Variants in UGGT2 observed in about 807,000 individuals in gnomAD.
UGGT2 encodes the protein UDP-glucose glycoprotein glucosyltransferase 2.
UGGT2 carries 180 observed loss-of-function variants against 192.1 expected under a neutral mutation model. The ratio of observed to expected loss-of-function variants is 0.94; its 90% confidence interval spans 0.83 to 1.06. The LOEUF (loss-of-function observed/expected upper bound fraction) is 1.06. UGGT2 is among the 50% of genes least tolerant of loss of function. The probability of loss-of-function intolerance (pLI) is 0.00; values close to 1 mark genes in which losing one functional copy is unlikely to be tolerated. For synonymous variants in UGGT2, 580 were observed against 591.0 expected (o/e 0.98, Z 0.27); for missense variants, 1,849 against 1,795.7 (o/e 1.03, Z -0.54).
At chr13:95,915,143 G>A (rs2048641727) in intron 20 of UGGT2, among the ~76,000 whole-genome samples, 1 of 152,092 alleles carries the variant, frequency 6.6e-6, no homozygotes, top group Non-Finnish European at 1.5e-5. Flanking sequence ...CTCTGCATCA[G>A]CTAGACACTC....
chr13:95,941,953 G>A (rs1291806613), intron 15 of UGGT2, among the ~76,000 whole-genome samples: 1 of 151,964 alleles, frequency 6.6e-6, no homozygotes, highest in Admixed American at 6.6e-5. Flanking sequence ...AGTTTTATGC[G>A]AATACGTATT....
At chr13:96,021,172 C>T (rs1261941312) in intron 4 of UGGT2, among the ~76,000 whole-genome samples, 1 of 152,182 alleles carries the variant, frequency 6.6e-6, no homozygotes, top group Non-Finnish European at 1.5e-5. Context: ...GCAAACACAA[C>T]CCTGAGAAAT....
Position 95,884,541 on chromosome 13 carries a change from C to T in UGGT2, c.3178G>A (p.Val1060Ile). ...LNMITPEGWL[V>I]ETVHSNCDLD... ...TCACAGTTGCTGTGCACTGTTTCAA[C>T]CAACCAGCCTTCTGGAGTAATCATG... The change falls in exon 27 of 39, where the codon GTT becomes ATT. Residue 1060 changes from valine (V) to isoleucine (I), a missense_variant. Transcript: ENST00000376747. 1.2e-6 allele frequency: 2 copies of T among 1,613,800 alleles called. No homozygotes were observed. The highest frequency in any genetic ancestry group is 4.5e-5 in the East Asian group (2 of 44,830).
intron 26 of UGGT2, chr13:95,887,508 A>G (rs2047678932): frequency 1.6e-5 from 5 of 305,268 alleles, no homozygotes; most frequent in South Asian, 1.6e-4. Context: ...TTTTATCCTA[A>G]TGCCCCCAAA....
chr13:95,992,486 G>T (rs1594527494), intron 7 of UGGT2, among the ~76,000 whole-genome samples: 2 of 152,248 alleles, frequency 1.3e-5, no homozygotes, highest in Admixed American at 1.3e-4. Context: ...TTGGCTCTCA[G>T]CTTGAACATT....
At chr13:95,932,307 TTATTTG>T (rs1392913667) in intron 17 of UGGT2, among the ~76,000 whole-genome samples, 2 of 107,346 alleles carry the variant, frequency 1.9e-5, no homozygotes, top group Admixed American at 9.7e-5. Flanking sequence ...CCTAGGTATT[TTATTTG>T]TGTGTGTGTG....
intron 17 of UGGT2, among the ~76,000 whole-genome samples, chr13:95,932,502 G>A (rs1566720401): frequency 1.3e-5 from 2 of 152,196 alleles, no homozygotes; most frequent in African/African-American, 2.4e-5. Context: ...GTCCGGTGGA[G>A]TCTTTAGGGT....
At chr13:95,956,230 T>C (rs1008457366) in intron 12 of UGGT2, among the ~76,000 whole-genome samples, 6 of 152,166 alleles carry the variant, frequency 3.9e-5, no homozygotes, top group African/African-American at 1.4e-4. Flanking sequence ...ATCAGTGGAA[T>C]AGACTAGACA....
intron 31 of UGGT2, among the ~76,000 whole-genome samples, chr13:95,863,163 T>C (rs1890321870): frequency 6.6e-6 from 1 of 152,188 alleles, no homozygotes; most frequent in Non-Finnish European, 1.5e-5. Context: ...ATGCCTGGCC[T>C]GTGTTCCTTT....
intron 2 of UGGT2, among the ~76,000 whole-genome samples, chr13:96,031,322 G>A (rs1031326767): frequency 3.3e-5 from 5 of 151,704 alleles, no homozygotes; most frequent in South Asian, 2.1e-4. Context: ...ATTTTTTTGG[G>A]GGGGGACAGG....
At position 95,937,072 on chromosome 13, in the gene UGGT2, T is replaced by A. The variant is rs1566727179; in HGVS notation, c.1829A>T (p.Tyr610Phe). The A allele has an allele frequency of 1.3e-6, 2 of 1,597,992 alleles. No homozygotes were observed. Among genetic ancestry groups the A allele is most frequent in the African/African-American group, 2.7e-5 (2 of 73,726 alleles). ...CAAAGGACCCAGGCCAGTCATCTTA[T>A]AAAAGCTTGCTCCAGCCTATTCAGT... ...DEERKAGASF[Y>F]KMTGLGPLPQ... Residue 610 changes from tyrosine (Y) to phenylalanine (F), a missense_variant, in exon 17 of 39, where the codon TAT (tyrosine) becomes TTT (phenylalanine). Physicochemically the swap from Tyr to Phe is conservative, Grantham distance 22. Transcript: ENST00000376747.
chr13:95,942,221 G>GGGGGGTGTGT (rs1285651365), intron 15 of UGGT2, among the ~76,000 whole-genome samples: 1 of 117,992 alleles, frequency 8.5e-6, no homozygotes, highest in Non-Finnish European at 1.9e-5. Context: ...TTAGGGTGAG[G>GGGGGGTGTGT]GTGTGTGTGT....
chr13:95,855,106 TAAAAAAAAAAAA>T (rs10713359), intron 34 of UGGT2, among the ~76,000 whole-genome samples: 3 of 49,918 alleles, frequency 6.0e-5, no homozygotes, highest in Non-Finnish European at 1.1e-4. Context: ...ACCCTGTCTG[TAAAAAAAAAAAA>T]AAAAAAAAAA....
rs566148830 is a variant in UGGT2 at position 95,900,707 on chromosome 13, TG to T, written c.2634+99del. 64 of 1,310,724 alleles carry T rather than the reference TG, an allele frequency of 4.9e-5. No individual in the cohort carries two copies. In the African/African-American group the frequency reaches 8.5e-4, roughly 17 times the overall value. 81.2% of individuals were successfully genotyped at this position (1,310,724 alleles called of 1,614,324 possible). ...TCTTCAGCTCATGAACACCGTCCTC[TG>T]TGTGTGTCAGTCACATCAGGGGAAT... On this transcript the variant is annotated intron_variant, in intron 22 of 38. Coordinates refer to ENST00000376747, the MANE Select transcript of UGGT2 (RefSeq NM_020121.4).
At position 95,840,435 on chromosome 13, in the gene UGGT2, C is replaced by T. The variant is rs140185503; in HGVS notation, c.4285-3233G>A. Among the ~76,000 whole-genome samples the T allele has an allele frequency of 4.6e-4, 70 of 152,152 alleles. 1 individual carries two copies. The East Asian group carries it at 0.012, about 27-fold the overall frequency. On this transcript the variant is annotated intron_variant, in intron 36 of 38. Coordinates refer to ENST00000376747, the MANE Select transcript of UGGT2 (RefSeq NM_020121.4). ...GACACTTATGCGACCAACAAACATA[C>T]GAAATAAAGTTCATCATCACTGATT...
In UGGT2 at chr13:95,872,796, AAAG is replaced by A. The variant is rs373986719; in HGVS notation, c.3473+4480_3473+4482del. The stretch of plus-strand genomic sequence containing the variant: ...ACTGTGTATGATAGAAAATAATAGT[AAAG>A]AAGATAAAATAGAATCTAAATCATG... On this transcript the variant is annotated intron_variant, in intron 29 of 38. Transcript: ENST00000376747. Among the ~76,000 whole-genome samples the A allele has an allele frequency of 2.1e-3, 316 of 152,330 alleles. 2 individuals are homozygous for A. The highest frequency in any genetic ancestry group is 7.2e-3 in the African/African-American group (298 of 41,592).
At chr13:95,978,074 C>T (rs551922713) in intron 10 of UGGT2, among the ~76,000 whole-genome samples, 29 of 152,092 alleles carry the variant, frequency 1.9e-4, no homozygotes, top group African/African-American at 6.5e-4. Context: ...CTAAAGTATG[C>T]AGGGCTCAAA....
chr13:95,947,002 C>T, intron 15 of UGGT2, 35 bp downstream of exon 15: 2 of 1,497,000 alleles, frequency 1.3e-6, no homozygotes, highest in Non-Finnish European at 1.8e-6. Flanking sequence ...AGAATTTTAC[C>T]TTCTAAACAA....
chr13:95,918,899 C>A (rs1285489162), intron 20 of UGGT2, among the ~76,000 whole-genome samples: 1 of 152,112 alleles, frequency 6.6e-6, no homozygotes, highest in Admixed American at 6.5e-5. Flanking sequence ...GATGCCAAAA[C>A]CTGGCAGAAA....
Sources: allele counts gnomAD v4.1 joint callset (sites outside exome capture counted in the v4.1 genomes callset), GRCh38; gene constraint gnomAD v4.1.1; transcripts MANE v1.5; gene names NCBI Gene and HGNC (gene_info 2026-07-23, HGNC 2026-07-21).